ARHGEF10: variants seen among roughly 807,000 people sequenced by gnomAD.
ARHGEF10 encodes Rho guanine nucleotide exchange factor 10.
Under a neutral mutation model 147.4 loss-of-function variants are expected in ARHGEF10, and 140 were observed. The observed-to-expected ratio is 0.95, with a 90% confidence interval of 0.83 to 1.09. ARHGEF10 has a LOEUF of 1.09. ARHGEF10 is among the 50% of genes least tolerant of loss of function. The probability of loss-of-function intolerance (pLI) is 0.00; values close to 1 mark genes in which losing one functional copy is unlikely to be tolerated. For synonymous variants in ARHGEF10, 902 were observed against 695.8 expected (o/e 1.30, Z -4.67); for missense variants, 2,222 against 1,752.7 (o/e 1.27, Z -4.78).
At chr8:1,930,376 G>A (rs956764516) in intron 25 of ARHGEF10, among the ~76,000 whole-genome samples, 27 of 151,842 alleles carry the variant, frequency 1.8e-4, no homozygotes, top group African/African-American at 6.5e-4. Context: ...GGTCCACACC[G>A]CCCAGCTCCC....
At chr8:1,896,630 A>C (rs1161314538) in intron 14 of ARHGEF10, among the ~76,000 whole-genome samples, 181 bp downstream of exon 14, 1 of 152,208 alleles carries the variant, frequency 6.6e-6, no homozygotes, top group East Asian at 1.9e-4. Context: ...TTTGAAAACA[A>C]TTTTATTTGC....
intron 8 of ARHGEF10, among the ~76,000 whole-genome samples, chr8:1,877,773 T>G (rs1043843448): frequency 6.6e-6 from 1 of 152,102 alleles, no homozygotes; most frequent in Non-Finnish European, 1.5e-5. Context: ...TGTGCTCATC[T>G]ACAGTGATGT....
chr8:1,836,176 G>C (rs1425211725), intron 1 of ARHGEF10, among the ~76,000 whole-genome samples: 1 of 114,960 alleles, frequency 8.7e-6, no homozygotes. Context: ...GCAAGACTCT[G>C]CCATGGAAAA....
At position 1,948,242 on chromosome 8, in the gene ARHGEF10, C is replaced by T. The variant is rs77405260; in HGVS notation, c.3397+2587C>T. On this transcript the variant is annotated intron_variant, in intron 27 of 28. Transcript: ENST00000349830. This position sits in a 1 kb window ranked among gnomAD's most constrained non-coding sequence, Gnocchi z 4.9. ...AACATCCTGGGCTGGCTCTCCATGG[C>T]CACAGTGCGTGCTCTCAGCCCCCTG... Among the ~76,000 whole-genome samples the T allele has an allele frequency of 5.5e-4, 83 of 152,246 alleles. 1 individual carries two copies. The highest frequency in any genetic ancestry group is 1.5e-4 in the Non-Finnish European group (10 of 68,014).
chr8:1,885,508 C>T, intron 10 of ARHGEF10, 93 bp from the exon 11 acceptor site: 1 of 921,396 alleles, frequency 1.1e-6, no homozygotes, highest in Non-Finnish European at 1.7e-6. Flanking sequence ...AAGGTCTACA[C>T]AAAATATTTA....
intron 13 of ARHGEF10, 108 bp downstream of exon 13, chr8:1,894,680 G>C (rs897951087): frequency 3.0e-5 from 38 of 1,282,742 alleles, no homozygotes; most frequent in South Asian, 1.8e-4. Context: ...GCTGACAAGT[G>C]TGCAGTTCTC....
rs780888274 is a variant in ARHGEF10, at chr8:1,925,388, A to C, written c.2594A>C (p.Lys865Thr). The C allele has an allele frequency of 9.3e-6, 15 of 1,614,016 alleles. No homozygotes were observed. In the East Asian group the frequency reaches 3.1e-4, roughly 34 times the overall value. The change falls in exon 22 of 29, where the codon AAG (lysine) becomes ACG (threonine). Residue 865 changes from lysine to threonine, a missense_variant. Physicochemically the swap from Lys to Thr is moderately conservative, Grantham distance 78 (BLOSUM62 -1). Transcript: ENST00000349830. Reference sequence around the variant, plus strand: ...GGACACATGCCCGTGATGGTGGCCAAGCAGCAGGAGTTCAAGGTGAAGGGA... The same window carrying C: ...GGACACATGCCCGTGATGGTGGCCACGCAGCAGGAGTTCAAGGTGAAGGGA... ...LVGHMPVMVA[K>T]QQEFKIECAA... is the part of the protein sequence containing the mutation.
intron 2 of ARHGEF10, among the ~76,000 whole-genome samples, chr8:1,854,555 G>A (rs530185880): frequency 7.2e-6 from 1 of 138,720 alleles, no homozygotes; most frequent in East Asian, 2.1e-4. Context: ...GCCAGTGTCT[G>A]CCAGTCTTTC....
At chr8:1,824,272 C>T (rs967625136) in intron 1 of ARHGEF10, among the ~76,000 whole-genome samples, 159 bp downstream of exon 1, 2 of 151,974 alleles carry the variant, frequency 1.3e-5, no homozygotes, top group African/African-American at 4.8e-5. Context: ...GGGCTGAGAC[C>T]CCCTCCCCCC....
intron 2 of ARHGEF10, among the ~76,000 whole-genome samples, chr8:1,851,626 A>G (rs982527667): frequency 6.6e-6 from 1 of 152,146 alleles, no homozygotes; most frequent in African/African-American, 2.4e-5. Flanking sequence ...AAAGCAACCA[A>G]ACTGGGGTGG....
intron 1 of ARHGEF10, among the ~76,000 whole-genome samples, chr8:1,842,527 A>G (rs992300948): frequency 6.6e-6 from 1 of 152,182 alleles, no homozygotes; most frequent in Non-Finnish European, 1.5e-5. Flanking sequence ...ACACTCAGGG[A>G]CCATGCCCCC....
intron 12 of ARHGEF10, 136 bp from the exon 13 acceptor site, chr8:1,894,257 G>C (rs1401742425): frequency 1.2e-6 from 1 of 814,192 alleles, no homozygotes; most frequent in Non-Finnish European, 2.0e-6. Context: ...GGCTGAGGTG[G>C]GAGGATGGCT....
intron 8 of ARHGEF10, among the ~76,000 whole-genome samples, chr8:1,878,190 T>G (rs1002332832): frequency 6.2e-5 from 7 of 113,730 alleles, no homozygotes; most frequent in Admixed American, 5.7e-4. Flanking sequence ...TTGTAGTTTT[T>G]CGGGTTTTTT....
intron 15 of ARHGEF10, among the ~76,000 whole-genome samples, chr8:1,902,439 C>T (rs1282822476): frequency 2.6e-5 from 4 of 152,188 alleles, no homozygotes; most frequent in African/African-American, 9.7e-5. Flanking sequence ...GCCACATACC[C>T]TCCCTTTGAC....
chr8:1,841,612 G>A (rs1413406829), intron 1 of ARHGEF10, among the ~76,000 whole-genome samples: 2 of 151,960 alleles, frequency 1.3e-5, no homozygotes, highest in African/African-American at 4.8e-5. Flanking sequence ...GGAGCAGGGC[G>A]TGGTTGTGGC....
At chr8:1,831,464 AGGGACAGTGT>A (rs1178527595) in intron 1 of ARHGEF10, among the ~76,000 whole-genome samples, 1 of 137,448 alleles carries the variant, frequency 7.3e-6, no homozygotes, top group East Asian at 2.1e-4. Context: ...ACGGCCGTGG[AGGGACAGTGT>A]GACATCCGTG....
chr8:1,849,800 GC>G (rs1479122805), intron 2 of ARHGEF10, among the ~76,000 whole-genome samples: 21 of 141,184 alleles, frequency 1.5e-4, no homozygotes, highest in East Asian at 1.1e-3. Context: ...GAGGGCGTGG[GC>G]CGGCTGCGTG....
At position 1,858,051 on chromosome 8, in the gene ARHGEF10, C is replaced by T; in HGVS notation, c.129C>T (p.Asp43=). Residue 43 remains aspartate (D), a synonymous_variant, in exon 3 of 29, where the codon GAC becomes GAT. Transcript: ENST00000349830. ...FDSGDEIPEA[D]RQAPSAPETG... ...GTGGAGATGAAATCCCAGAAGCGGA[C>T]AGACAGGCCCCATCCGCCCCTGAGA... The T allele has an allele frequency of 6.2e-7, 1 of 1,614,106 alleles. No individual in the cohort carries two copies. The highest frequency in any genetic ancestry group is 8.5e-7 in the Non-Finnish European group (1 of 1,180,012).
At chr8:1,912,947 G>A (rs958104607) in intron 18 of ARHGEF10, among the ~76,000 whole-genome samples, 4 of 152,172 alleles carry the variant, frequency 2.6e-5, no homozygotes, top group East Asian at 3.9e-4. Context: ...CACTCCACCC[G>A]GCCGCTGTTC....
Sources: gnomAD v4.1 joint callset for allele counts (sites outside exome capture counted in the v4.1 genomes callset) on GRCh38, gnomAD v4.1.1 for gene constraint, Gnocchi (gnomAD v3.1) non-coding constraint, MANE v1.5 for transcripts, NCBI Gene and HGNC (gene_info 2026-07-23, HGNC 2026-07-21) for gene names.